The following CCDC198 variants were observed in gnomAD, a reference collection of about 807,000 sequenced individuals.
CCDC198 encodes coiled-coil domain containing 198, also known as factor associated with metabolism and energy.
CCDC198 carries 18 observed loss-of-function variants against 35.6 expected under a neutral mutation model. The ratio of observed to expected loss-of-function variants is 0.51; its 90% confidence interval spans 0.35 to 0.75. The LOEUF is 0.75. Ranked by LOEUF, CCDC198 falls within the 30% of genes least tolerant of loss-of-function variation. The pLI is 0.01. For synonymous variants in CCDC198, 119 were observed against 113.4 expected, an observed-to-expected ratio of 1.05 and a Z score of -0.31; for missense variants, 365 against 343.7, an observed-to-expected ratio of 1.06 and a Z score of -0.49.
intron 5 of CCDC198, chr14:57,475,450 T>C (rs1365531393): frequency 8.1e-6 from 10 of 1,237,198 alleles, no homozygotes; most frequent in Middle Eastern, 3.5e-4. Context: ...AAGACATCAA[T>C]TGTGGCCAGG....
At chr14:57,483,670 T>C (rs1242962033) in intron 2 of CCDC198, among the ~76,000 whole-genome samples, 2 of 152,184 alleles carry the variant, frequency 1.3e-5, no homozygotes, top group Non-Finnish European at 2.9e-5. Flanking sequence ...AGATGTCCTT[T>C]TCTAGCAGGG....
At chr14:57,485,471 A>G (rs2067330000) in intron 2 of CCDC198, among the ~76,000 whole-genome samples, 2 of 152,140 alleles carry the variant, frequency 1.3e-5, no homozygotes, top group Non-Finnish European at 2.9e-5. Flanking sequence ...TTTACTTTAA[A>G]ATGGTTTAGT....
In CCDC198 at chr14:57,493,587, A is replaced by G; in HGVS notation, c.129T>C (p.Thr43=). 2 of 1,613,952 alleles carry G rather than the reference A, an allele frequency of 1.2e-6. No homozygotes were observed. Among genetic ancestry groups the G allele is most frequent in the Non-Finnish European group, 8.5e-7 (1 of 1,179,920 alleles). Residue 43 remains threonine (T), a synonymous_variant, in exon 1 of 6, where the codon ACT becomes ACC. Coordinates refer to ENST00000216445, the MANE Select transcript of CCDC198 (RefSeq NM_018168.4). ...FAFNQNLEEK[T]SYSLARLQDQ... is the part of the protein sequence containing the mutation. ...CCTGCAGTCTTGCCAGTGAATATGA[A>G]GTCTTTTCTTCCAAATTCTGATTGA...
intron 4 of CCDC198, among the ~76,000 whole-genome samples, chr14:57,481,333 C>T (rs1157651673): frequency 1.3e-5 from 2 of 152,188 alleles, no homozygotes; most frequent in Non-Finnish European, 2.9e-5. Context: ...AAAATGGAGA[C>T]TTGCGACACA....
At chr14:57,490,362 T>A (rs2067521538) in intron 2 of CCDC198, among the ~76,000 whole-genome samples, 1 of 152,174 alleles carries the variant, frequency 6.6e-6, no homozygotes, top group African/African-American at 2.4e-5. Context: ...TTTAAAGCTC[T>A]TGCTTTGCTT....
chr14:57,486,048 G>A (rs1451529558), intron 2 of CCDC198, among the ~76,000 whole-genome samples: 1 of 152,154 alleles, frequency 6.6e-6, no homozygotes. Context: ...AAGAAAAGGG[G>A]AAGGAGAAGA....
chr14:57,493,583 A>G lies in CCDC198; in HGVS notation c.133T>C (p.Tyr45His), dbSNP rs2067650264. 3.1e-6 allele frequency: 5 copies of G among 1,613,964 alleles called. No homozygotes were observed. The East Asian group carries it at 8.9e-5, about 29-fold the overall frequency. Residue 45 changes from tyrosine (Y) to histidine (H), a missense_variant, in exon 1 of 6, where the codon TAT (tyrosine) becomes CAT (histidine). Tyr to His is a moderately conservative substitution (Grantham distance 83). Coordinates refer to ENST00000216445, the MANE Select transcript of CCDC198 (RefSeq NM_018168.4). ...TGGTCCTGCAGTCTTGCCAGTGAATATGAAGTCTTTTCTTCCAAATTCTGA... is the reference window on the plus strand; with the variant it reads ...TGGTCCTGCAGTCTTGCCAGTGAATGTGAAGTCTTTTCTTCCAAATTCTGA... Reference protein sequence around the residue: ...FNQNLEEKTSYSLARLQDQNK... With the variant: ...FNQNLEEKTSHSLARLQDQNK...
In CCDC198 at chr14:57,481,760, G is replaced by C. The variant is rs2067196021; in HGVS notation, c.394-100C>G. ...TTGAAACAGAGTCAGATCTTAATCA[G>C]TCATAACCTGTAGAGATATCTTGTG... is the stretch of plus-strand genomic sequence containing the variant. On this transcript the variant is annotated intron_variant, in intron 3 of 5. Coordinates refer to ENST00000216445, the MANE Select transcript of CCDC198 (RefSeq NM_018168.4). The C allele has an allele frequency of 2.1e-5, 15 of 729,742 alleles. No homozygotes were observed. The East Asian group carries it at 3.7e-4, about 18-fold the overall frequency. The allele number at this position is 729,742 out of a possible 1,614,324, so 45.2% of individuals were successfully genotyped here. A position where few individuals can be genotyped will look rare whatever the true frequency, so the allele number is the denominator to read the frequency against.
chr14:57,486,663 GA>G (rs1323458722), intron 2 of CCDC198, among the ~76,000 whole-genome samples: 1 of 152,044 alleles, frequency 6.6e-6, no homozygotes, highest in Non-Finnish European at 1.5e-5. Context: ...GACTACGGAG[GA>G]TTTTTTTATG....
chr14:57,487,876 T>C (rs916692640), intron 2 of CCDC198, among the ~76,000 whole-genome samples: 11 of 152,208 alleles, frequency 7.2e-5, no homozygotes, highest in African/African-American at 2.7e-4. Context: ...TTTGTGAAGA[T>C]AATTATAGCT....
Position 57,471,559 on chromosome 14 carries a change from A to T in CCDC198, c.687T>A (p.His229Gln), listed in dbSNP as rs745681639. The T allele has an allele frequency of 6.3e-7, 1 of 1,598,728 alleles. No individual in the cohort carries two copies. Residue 229 changes from histidine (H) to glutamine (Q), a missense_variant, in exon 6 of 6, where the codon CAT becomes CAA. By Grantham distance (24) the His-to-Gln change is conservative. Transcript: ENST00000216445. ...GNSKNTEFLK[H>Q]QAVNNYCPWK... ...AGGGACAGTAGTTATTCACTGCTTGATGTTTCAAAAATTCTGTATTCTTTG... is the reference window on the plus strand; with the variant it reads ...AGGGACAGTAGTTATTCACTGCTTGTTGTTTCAAAAATTCTGTATTCTTTG...
Position 57,471,518 on chromosome 14 carries a change from A to G in CCDC198, c.728T>C (p.Met243Thr), listed in dbSNP as rs1368958674. 1.2e-6 allele frequency: 2 copies of G among 1,613,316 alleles called. No homozygotes were observed. The highest frequency in any genetic ancestry group is 1.3e-5 in the African/African-American group (1 of 74,812). ...CTCTTGTTCATGAAGCCATGTTTCC[A>G]TTTTGCCAATTTTCCAGGGACAGTA... ...NNYCPWKIGKMETWLHEQEAQ... is the reference protein window; with the variant it reads ...NNYCPWKIGKTETWLHEQEAQ... Residue 243 changes from methionine (M) to threonine (T), a missense_variant, in exon 6 of 6, where the codon ATG becomes ACG. Physicochemically the swap from Met to Thr is moderately conservative, Grantham distance 81. Transcript: ENST00000216445.
At chr14:57,481,124 T>A (rs2067168310) in intron 4 of CCDC198, among the ~76,000 whole-genome samples, 1 of 152,174 alleles carries the variant, frequency 6.6e-6, no homozygotes, top group South Asian at 2.1e-4. Context: ...GTAAAGGGTT[T>A]TTTTGTTTGT....
In CCDC198 at chr14:57,471,394, C is replaced by T; in HGVS notation, c.852G>A (p.Glu284=). 1 of 1,613,886 alleles carries T rather than the reference C, an allele frequency of 6.2e-7. No homozygotes were observed. Among genetic ancestry groups the T allele is most frequent in the Non-Finnish European group, 8.5e-7 (1 of 1,179,928 alleles). The change falls in exon 6 of 6, where the codon GAG becomes GAA. Residue 284 remains glutamate (E), a synonymous_variant. Coordinates refer to ENST00000216445, the MANE Select transcript of CCDC198 (RefSeq NM_018168.4). ...AAAACTCATCGAAAAGTGGGATTCTCTCTGTCCTGGTCCTCACCAGTGCTC... is the reference window on the plus strand; with the variant it reads ...AAAACTCATCGAAAAGTGGGATTCTTTCTGTCCTGGTCCTCACCAGTGCTC... ...KPRALVRTRT[E]RIPLFDEFFD...
intron 2 of CCDC198, among the ~76,000 whole-genome samples, chr14:57,483,547 G>A (rs1006261123): frequency 1.3e-5 from 2 of 152,188 alleles, no homozygotes; most frequent in Admixed American, 1.3e-4. Context: ...AACTATTCCA[G>A]CCCTTAGGGA....
rs2066799543 is a variant in CCDC198 at position 57,470,785 on chromosome 14, T to C, written c.*570A>G. ...TTAACTCCAAGCTGGTCTATGACTT[T>C]AACCAACAGAACATGGTGGAAGTGA... On this transcript the variant is annotated 3_prime_UTR_variant, in exon 6 of 6. Transcript: ENST00000216445. 1 of 152,566 alleles carries C rather than the reference T, an allele frequency of 6.6e-6. No homozygotes were observed. Among genetic ancestry groups the C allele is most frequent in the African/African-American group, 2.4e-5 (1 of 41,480 alleles). 9.5% of individuals were successfully genotyped at this position (152,566 alleles called of 1,614,324 possible).
chr14:57,480,342 A>T (rs1432808602), intron 5 of CCDC198: 1 of 956,694 alleles, frequency 1.0e-6, no homozygotes, highest in Non-Finnish European at 1.2e-6. Flanking sequence ...CAAGACTTGC[A>T]ATGAAGCATG....
chr14:57,481,204 G>T lies in CCDC198; in HGVS notation c.495+355C>A, dbSNP rs181891054. ...ATAATTCTATGGCAAGAATTATAGA[G>T]AGAGGCCTAGGTATCAGAATAAAGA... is the stretch of plus-strand genomic sequence containing the variant. On this transcript the variant is annotated intron_variant, in intron 4 of 5. Transcript: ENST00000216445. Among the ~76,000 whole-genome samples the T allele has an allele frequency of 1.5e-3, 225 of 152,244 alleles. 2 individuals carry two copies. Among genetic ancestry groups the T allele is most frequent in the African/African-American group, 5.2e-3 (214 of 41,534 alleles).
chr14:57,492,414 G>C (rs988367382), intron 1 of CCDC198, among the ~76,000 whole-genome samples: 9 of 151,704 alleles, frequency 5.9e-5, no homozygotes, highest in African/African-American at 2.2e-4. Context: ...TCTCAATGGG[G>C]GTTTGGATAA....
Sources: gnomAD v4.1 joint callset for allele counts (sites outside exome capture counted in the v4.1 genomes callset) on GRCh38, gnomAD v4.1.1 for gene constraint, MANE v1.5 for transcripts, NCBI Gene and HGNC (gene_info 2026-07-23, HGNC 2026-07-21) for gene names.